TFAP2A: variants seen among roughly 807,000 people sequenced by gnomAD.
TFAP2A encodes transcription factor AP-2 alpha.
Under a neutral mutation model 41.5 loss-of-function variants are expected in TFAP2A, and 7 were observed. That is an observed-to-expected ratio of 0.17 (90% CI 0.10 to 0.32). The LOEUF (loss-of-function observed/expected upper bound fraction) is 0.32. Ranked by LOEUF, TFAP2A falls within the 10% of genes least tolerant of loss-of-function variation. The pLI is 1.00. For missense variants in TFAP2A, 416 were observed against 563.3 expected, an observed-to-expected ratio of 0.74 and a Z score of 2.65; for synonymous variants, 247 against 242.8, an observed-to-expected ratio of 1.02 and a Z score of -0.16.
chr6:10,404,542 G>A lies in TFAP2A; in HGVS notation c.736C>T (p.Leu246Phe), dbSNP rs929697206. Residue 246 changes from leucine to phenylalanine, a missense_variant, in exon 4 of 7, where the codon CTC becomes TTC. Around this residue, in one of 3 missense-constraint regions of TFAP2A, gnomAD observed 59 missense variants for 135.4 expected, o/e 0.44. Coordinates refer to ENST00000379613, the MANE Select transcript of TFAP2A (RefSeq NM_001372066.1). ...VQRRLSPPECLNASLLGGVLR... is the reference protein window; with the variant it reads ...VQRRLSPPECFNASLLGGVLR... ...ACTCCGCCCAGCAGCGACGCGTTGA[G>A]ACACTCGGGTGGTGAGAGCCGCCGC... is the stretch of plus-strand genomic sequence containing the variant. The A allele has an allele frequency of 6.2e-7, 1 of 1,613,348 alleles. No homozygotes were observed. Among genetic ancestry groups the A allele is most frequent in the Admixed American group, 1.7e-5 (1 of 59,962 alleles).
In TFAP2A at chr6:10,414,945, C is replaced by T; in HGVS notation, c.47G>A (p.Cys16Tyr). The T allele has an allele frequency of 3.1e-6, 5 of 1,614,040 alleles. No individual in the cohort carries two copies. Among genetic ancestry groups the T allele is most frequent in the Non-Finnish European group, 4.2e-6 (5 of 1,180,018 alleles). ...KLTDNIKYED[C>Y]EDRHDGTSNG... ...TCGAGCCGGCGTCGCGCTTACCTCG[C>T]AGTCCTCGTACTTGATATTATCCGT... Residue 16 changes from cysteine to tyrosine, a missense_variant, in exon 1 of 7, where the codon TGC (cysteine) becomes TAC (tyrosine). This residue lies in a region of TFAP2A where 241 missense variants were observed against 274.1 expected (regional missense o/e 0.88). Transcript: ENST00000379613.
intron 1 of TFAP2A, chr6:10,412,084 A>C (rs1757995189): frequency 1.0e-6 from 1 of 996,328 alleles, no homozygotes; most frequent in Admixed American, 5.6e-5. Flanking sequence ...ATGCCTGGAA[A>C]TCGAGCGTGA....
chr6:10,406,668 T>C, intron 3 of TFAP2A, 125 bp downstream of exon 3: 1 of 823,562 alleles, frequency 1.2e-6, no homozygotes, highest in Non-Finnish European at 2.1e-6. Context: ...TCTGTGCCTA[T>C]CTATTTGCTA....
At chr6:10,401,198 C>A (rs1192673286) in intron 5 of TFAP2A, among the ~76,000 whole-genome samples, 2 of 152,222 alleles carry the variant, frequency 1.3e-5, no homozygotes, top group East Asian at 3.8e-4. Flanking sequence ...AAGCCCTCTC[C>A]GCAGAGCTTG....
intron 1 of TFAP2A, 39 bp downstream of exon 1, chr6:10,414,902 C>G (rs763612207): frequency 2.5e-6 from 4 of 1,612,270 alleles, no homozygotes; most frequent in Non-Finnish European, 3.4e-6. Context: ...AGCTCGGAGC[C>G]TGTGACCGCA....
chr6:10,419,431 A>G, upstream of TFAP2A: 2 of 1,603,874 alleles, frequency 1.2e-6, no homozygotes, highest in Non-Finnish European at 1.7e-6. Context: ...CCAGTCCCCC[A>G]TTTTGGCAAG....
At chr6:10,412,398 G>T in intron 1 of TFAP2A, 4 of 561,562 alleles carry the variant, frequency 7.1e-6, no homozygotes, top group Non-Finnish European at 9.1e-6. Flanking sequence ...GTGTGGGCGA[G>T]GGAGAGGAGC....
chr6:10,398,662 A>C lies in TFAP2A; in HGVS notation c.1075T>G (p.Ser359Ala), dbSNP rs1761888842. ...EFTDLLAQDR[S>A]PLGNSRPNPI... ...TTGGGCCGTGAGTTCCCCAGGGGAG[A>C]TCGGTCCTGAGCCAGCAGGTCGGTG... The change falls in exon 7 of 7, where the codon TCT (serine) becomes GCT (alanine). Residue 359 changes from serine to alanine, a missense_variant. By Grantham distance (99) the Ser-to-Ala change is moderately conservative. Coordinates refer to ENST00000379613, the MANE Select transcript of TFAP2A (RefSeq NM_001372066.1). The surrounding 1 kb of genome is among the most constrained non-coding windows in gnomAD (Gnocchi z 5.3). The C allele has an allele frequency of 6.2e-7, 1 of 1,613,944 alleles. No individual in the cohort carries two copies. Among genetic ancestry groups the C allele is most frequent in the African/African-American group, 1.3e-5 (1 of 74,882 alleles).
chr6:10,405,557 T>C (rs977334284), intron 3 of TFAP2A: 1 of 150,622 alleles, frequency 6.6e-6, no homozygotes, highest in African/African-American at 2.5e-5. Context: ...AACCATAAGC[T>C]CTTTATTGCT....
rs554079745 is a variant in TFAP2A, at chr6:10,411,929, T to G, written c.52-1594A>C. On this transcript the variant is annotated intron_variant, in intron 1 of 6. Transcript: ENST00000379613. Reference sequence around the variant, plus strand: ...ATGTGTGAGTGTGTGGGTGCGTGCGTGTTCCTTAATCCGTGTCTCCCCCTC... The same window carrying G: ...ATGTGTGAGTGTGTGGGTGCGTGCGGGTTCCTTAATCCGTGTCTCCCCCTC... 8 of 1,188,838 alleles carry G rather than the reference T, an allele frequency of 6.7e-6. No individual in the cohort carries two copies. The African/African-American group carries it at 8.0e-5, about 12-fold the overall frequency. The allele number at this position is 1,188,838 out of a possible 1,614,324, so 73.6% of individuals were successfully genotyped here.
chr6:10,403,784 G>A (rs1269395230), intron 4 of TFAP2A, among the ~76,000 whole-genome samples: 1 of 152,162 alleles, frequency 6.6e-6, no homozygotes, highest in East Asian at 1.9e-4. Flanking sequence ...CCTCGCAGGG[G>A]TGAGGTAAGA....
intron 6 of TFAP2A, among the ~76,000 whole-genome samples, chr6:10,399,096 A>T (rs1409608695): frequency 6.6e-6 from 1 of 152,212 alleles, no homozygotes; most frequent in Non-Finnish European, 1.5e-5. Context: ...ATTATGCTGC[A>T]GCCATCAGCC....
intron 1 of TFAP2A, among the ~76,000 whole-genome samples, chr6:10,413,866 G>GA (rs34252834): frequency 5.4e-4 from 78 of 144,372 alleles, no homozygotes; most frequent in African/African-American, 1.5e-3. Flanking sequence ...TGCCAAAAAA[G>GA]AAAAAAAAAA....
At chr6:10,409,130 T>C (rs1757839672) in intron 2 of TFAP2A, 1 of 152,264 alleles carries the variant, frequency 6.6e-6, no homozygotes, top group African/African-American at 2.4e-5. Flanking sequence ...TGGTTTGCAT[T>C]GTAAATAGTA....
In TFAP2A at chr6:10,398,657, G is replaced by A. The variant is rs375372321; in HGVS notation, c.1080C>T (p.Pro360=). The change falls in exon 7 of 7, where the codon CCC becomes CCT. Residue 360 remains proline (P), a synonymous_variant. Transcript: ENST00000379613. The surrounding 1 kb of genome is among the most constrained non-coding windows in gnomAD (Gnocchi z 5.3). ...TGGGGTTGGGCCGTGAGTTCCCCAG[G>A]GGAGATCGGTCCTGAGCCAGCAGGT... ...FTDLLAQDRS[P]LGNSRPNPIL... 2.5e-5 allele frequency: 40 copies of A among 1,614,184 alleles called. No individual in the cohort carries two copies. Among genetic ancestry groups the A allele is most frequent in the Non-Finnish European group, 3.1e-5 (37 of 1,180,014 alleles).
intron 1 of TFAP2A, chr6:10,412,501 G>T (rs1212647653): frequency 8.3e-6 from 1 of 120,198 alleles, no homozygotes; most frequent in Non-Finnish European, 1.7e-5. Context: ...GAGGGAGGGG[G>T]AGGGGGCCCA....
Position 10,398,930 on chromosome 6 carries a change from ACTCT to A in TFAP2A, c.1032-229_1032-226del, listed in dbSNP as rs887807390. On this transcript the variant is annotated intron_variant, in intron 6 of 6. Coordinates refer to ENST00000379613, the MANE Select transcript of TFAP2A (RefSeq NM_001372066.1). The surrounding 1 kb of genome is among the most constrained non-coding windows in gnomAD (Gnocchi z 5.3). Reference sequence around the variant, plus strand: ...TCTTTACTTCCTACCTTCACAAATGACTCTCTCTCTCTTTCCTCTCAGATATGGT... The same window carrying A: ...TCTTTACTTCCTACCTTCACAAATGACTCTCTCTTTCCTCTCAGATATGGT... 3.3e-5 allele frequency among the ~76,000 whole-genome samples: 5 copies of A among 151,184 alleles called. No homozygotes were observed. The highest frequency in any genetic ancestry group is 9.7e-5 in the African/African-American group (4 of 41,082).
intron 2 of TFAP2A, chr6:10,409,270 T>C (rs1208259616): frequency 1.3e-5 from 2 of 152,516 alleles, no homozygotes; most frequent in African/African-American, 4.8e-5. Flanking sequence ...TAGCAGGTTC[T>C]GATAGGCGTT....
chr6:10,410,455 C>T (rs1300972863), intron 1 of TFAP2A, 120 bp from the exon 2 acceptor site: 1 of 990,270 alleles, frequency 1.0e-6, no homozygotes, highest in Non-Finnish European at 1.5e-6. Flanking sequence ...TGGCTGGCCG[C>T]CGGGAAAAAA....
Sources: gnomAD v4.1 joint callset for allele counts (sites outside exome capture counted in the v4.1 genomes callset) on GRCh38, gnomAD v4.1.1 for gene constraint, gnomAD v4.1.1 regional missense constraint, Gnocchi (gnomAD v3.1) non-coding constraint, MANE v1.5 for transcripts, NCBI Gene and HGNC (gene_info 2026-07-23, HGNC 2026-07-21) for gene names.